JAKMIP2: variants seen among roughly 807,000 people sequenced by gnomAD.
The protein encoded by JAKMIP2 is janus kinase and microtubule-interacting protein 2.
Under a neutral mutation model 115.0 loss-of-function variants are expected in JAKMIP2, and 25 were observed. The observed-to-expected ratio is 0.22, with a 90% confidence interval of 0.16 to 0.30. JAKMIP2 has a LOEUF of 0.30. Among genes scored for constraint, JAKMIP2 ranks in the 10% least tolerant of loss-of-function variants. JAKMIP2 has a pLI of 1.00. For synonymous variants in JAKMIP2, 334 were observed against 343.6 expected (o/e 0.97, Z 0.31); for missense variants, 642 against 957.6 (o/e 0.67, Z 4.35).
chr5:147,726,805 C>T (rs1753537743), intron 1 of JAKMIP2, among the ~76,000 whole-genome samples: 1 of 152,200 alleles, frequency 6.6e-6, no homozygotes, highest in Non-Finnish European at 1.5e-5. Flanking sequence ...AGCTTGTGAC[C>T]ATATGGCAGT....
chr5:147,729,764 ACT>A (rs1161635410), intron 1 of JAKMIP2, among the ~76,000 whole-genome samples: 2 of 142,726 alleles, frequency 1.4e-5, no homozygotes, highest in African/African-American at 2.7e-5. Flanking sequence ...ACAGAATGAG[ACT>A]CTGTCTCAAA....
chr5:147,628,707 A>C (rs758406321), intron 16 of JAKMIP2, 44 bp downstream of exon 16: 13 of 1,486,322 alleles, frequency 8.7e-6, no homozygotes, highest in Non-Finnish European at 1.2e-5. Context: ...TTCAGTATTA[A>C]GCCAGACACC....
intron 2 of JAKMIP2, among the ~76,000 whole-genome samples, chr5:147,664,300 C>T (rs1759185977): frequency 6.6e-6 from 1 of 152,126 alleles, no homozygotes; most frequent in Non-Finnish European, 1.5e-5. Context: ...TACGTATCTG[C>T]TCAAAACCAC....
At chr5:147,739,473 C>T (rs1163159269) in intron 1 of JAKMIP2, among the ~76,000 whole-genome samples, 1 of 152,092 alleles carries the variant, frequency 6.6e-6, no homozygotes, top group African/African-American at 2.4e-5. Context: ...CAACCAGCGG[C>T]GGAGCAAGGA....
intron 1 of JAKMIP2, among the ~76,000 whole-genome samples, chr5:147,731,889 A>T (rs1753747763): frequency 6.6e-6 from 1 of 152,200 alleles, no homozygotes; most frequent in Admixed American, 6.5e-5. Flanking sequence ...CACATCTCCC[A>T]GTGTTGCAGC....
At chr5:147,699,236 G>T (rs1159608584) in intron 1 of JAKMIP2, among the ~76,000 whole-genome samples, 1 of 152,206 alleles carries the variant, frequency 6.6e-6, no homozygotes, top group Admixed American at 6.5e-5. Flanking sequence ...TGAAAGAATT[G>T]CTGCTGGCTT....
intron 1 of JAKMIP2, among the ~76,000 whole-genome samples, chr5:147,699,666 G>A (rs1048946280): frequency 1.3e-5 from 2 of 152,172 alleles, no homozygotes; most frequent in African/African-American, 4.8e-5. Context: ...AAAGCCAATC[G>A]CAGAACAAAA....
chr5:147,659,975 TAA>T (rs1335093487), intron 3 of JAKMIP2, among the ~76,000 whole-genome samples: 5 of 152,172 alleles, frequency 3.3e-5, no homozygotes, highest in Admixed American at 6.5e-5. Context: ...TCTCAGAAAG[TAA>T]TTGCTTAGAA....
chr5:147,768,958 T>A (rs1372387285), intron 1 of JAKMIP2, among the ~76,000 whole-genome samples: 4 of 152,086 alleles, frequency 2.6e-5, no homozygotes, highest in Non-Finnish European at 4.4e-5. Context: ...ATACACCTAG[T>A]ATGAAAACAA....
intron 1 of JAKMIP2, among the ~76,000 whole-genome samples, chr5:147,713,471 A>G (rs1156868224): frequency 6.6e-6 from 1 of 152,226 alleles, no homozygotes; most frequent in Non-Finnish European, 1.5e-5. Context: ...CTTTTCAATG[A>G]GTAATAAAAC....
intron 1 of JAKMIP2, among the ~76,000 whole-genome samples, chr5:147,691,296 T>G (rs927239532): frequency 6.6e-6 from 1 of 152,146 alleles, no homozygotes; most frequent in South Asian, 2.1e-4. Flanking sequence ...ACTATTAACC[T>G]TCTCACCTCC....
At chr5:147,702,658 AAGAAAGAG>A (rs1205177828) in intron 1 of JAKMIP2, among the ~76,000 whole-genome samples, 1,362 of 111,022 alleles carry the variant, frequency 0.012, 30 homozygotes, top group African/African-American at 0.03. Context: ...GAAAGAAAGA[AAGAAAGAG>A]AGAGAAAGAA....
intron 21 of JAKMIP2, among the ~76,000 whole-genome samples, chr5:147,592,714 A>C (rs1015000884): frequency 6.6e-6 from 1 of 152,192 alleles, no homozygotes; most frequent in Non-Finnish European, 1.5e-5. Flanking sequence ...TCATCTATAA[A>C]ATAAGGATAC....
chr5:147,777,807 C>T (rs1755617374), intron 1 of JAKMIP2, among the ~76,000 whole-genome samples: 1 of 151,846 alleles, frequency 6.6e-6, no homozygotes, highest in Admixed American at 6.6e-5. Flanking sequence ...GGCTGAATTA[C>T]CCAATACTTA....
chr5:147,660,890 G>T (rs961229532), intron 3 of JAKMIP2, 58 bp downstream of exon 3: 3 of 1,568,534 alleles, frequency 1.9e-6, no homozygotes, highest in South Asian at 2.4e-5. Context: ...ACCCCACAGC[G>T]CTCTGAAACC....
intron 1 of JAKMIP2, among the ~76,000 whole-genome samples, chr5:147,770,495 C>T (rs1217962096): frequency 7.2e-5 from 11 of 152,082 alleles, no homozygotes; most frequent in African/African-American, 2.7e-4. Flanking sequence ...CAAACCTATT[C>T]TTGTTATAAT....
rs1386348043 is a variant in JAKMIP2, at chr5:147,735,813, A to G, written c.-149+46643T>C. ...TTTTTTAGCTGTTGTACTTTCTAGC[A>G]AACACTGCTATTGGTAGCTCAGTGT... On this transcript the variant is annotated intron_variant, in intron 1 of 21. Transcript: ENST00000616793. Among the ~76,000 whole-genome samples, 4 of 152,226 alleles carry G rather than the reference A, an allele frequency of 2.6e-5. No individual in the cohort carries two copies. In the East Asian group the frequency reaches 7.7e-4, roughly 29 times the overall value.
At chr5:147,600,065 C>T (rs1162377875) in intron 21 of JAKMIP2, among the ~76,000 whole-genome samples, 1 of 139,144 alleles carries the variant, frequency 7.2e-6, no homozygotes, top group Non-Finnish European at 1.6e-5. Context: ...TTTATTTTCC[C>T]TACTTTTAAA....
At chr5:147,770,898 A>C (rs146696161) in intron 1 of JAKMIP2, among the ~76,000 whole-genome samples, 6 of 152,234 alleles carry the variant, frequency 3.9e-5, no homozygotes, top group South Asian at 2.1e-4. Context: ...AACTCACACA[A>C]AATCTCTTAA....
Sources: allele counts gnomAD v4.1 joint callset (sites outside exome capture counted in the v4.1 genomes callset), GRCh38; gene constraint gnomAD v4.1.1; transcripts MANE v1.5; gene names NCBI Gene and HGNC (gene_info 2026-07-23, HGNC 2026-07-21).